CSMD1: variants seen among roughly 807,000 people sequenced by gnomAD.
CSMD1 encodes the protein CUB and sushi domain-containing protein 1.
In CSMD1, 213 loss-of-function variants were observed where a neutral mutation model predicts 417.5. The ratio of observed to expected loss-of-function variants is 0.51; its 90% CI spans 0.46 to 0.57. The LOEUF (loss-of-function observed/expected upper bound fraction) is 0.57. CSMD1 is among the 20% of genes least tolerant of loss of function. CSMD1 has a pLI of 0.00. For missense variants in CSMD1, 6,923 were observed against 4,529.7 expected, an observed-to-expected ratio of 1.53 and a Z score of -15.17; for synonymous variants, 2,862 against 1,736.8, an observed-to-expected ratio of 1.65 and a Z score of -16.11.
intron 2 of CSMD1, among the ~76,000 whole-genome samples, chr8:4,495,376 C>G (rs1801927677): frequency 6.6e-6 from 1 of 152,102 alleles, no homozygotes; most frequent in Non-Finnish European, 1.5e-5. Flanking sequence ...GGGTTCGAGA[C>G]TAGCATGGCC....
intron 7 of CSMD1, among the ~76,000 whole-genome samples, chr8:3,635,298 A>AC (rs1796978971): frequency 6.6e-6 from 1 of 151,960 alleles, no homozygotes; most frequent in East Asian, 2.0e-4. Flanking sequence ...AGATGGCAAA[A>AC]CCCCATCTCT....
At chr8:3,307,099 C>G (rs1439567359) in intron 25 of CSMD1, among the ~76,000 whole-genome samples, 1 of 152,212 alleles carries the variant, frequency 6.6e-6, no homozygotes, top group Non-Finnish European at 1.5e-5. Flanking sequence ...GACTTTGCTT[C>G]TCTTCCTATT....
intron 1 of CSMD1, among the ~76,000 whole-genome samples, chr8:4,860,023 A>G (rs1322159367): frequency 2.6e-5 from 4 of 152,112 alleles, no homozygotes; most frequent in Non-Finnish European, 5.9e-5. Flanking sequence ...ATGTCCAACA[A>G]TGATAGACTG....
chr8:3,499,682 T>G (rs1208958180), intron 10 of CSMD1, among the ~76,000 whole-genome samples: 1 of 151,976 alleles, frequency 6.6e-6, no homozygotes, highest in African/African-American at 2.4e-5. Context: ...GCTTGACGAC[T>G]TGTGGTATAG....
rs573508475 is a variant in CSMD1, at chr8:3,771,941, G to A, written c.819-17899C>T. 1.1e-4 allele frequency among the ~76,000 whole-genome samples: 17 copies of A among 152,100 alleles called. No homozygotes were observed. The East Asian group carries it at 2.3e-3, about 21-fold the overall frequency. Reference sequence around the variant, plus strand: ...TAGCCCACAGGCAACTCAACAAGCCGTGTAATGTCTACTGGCATTCAGCAA... The same window carrying A: ...TAGCCCACAGGCAACTCAACAAGCCATGTAATGTCTACTGGCATTCAGCAA... On this transcript the variant is annotated intron_variant, in intron 5 of 69. Transcript: ENST00000635120.
intron 3 of CSMD1, among the ~76,000 whole-genome samples, chr8:4,159,755 A>G (rs189324267): frequency 6.6e-6 from 1 of 152,098 alleles, no homozygotes; most frequent in South Asian, 2.1e-4. Flanking sequence ...CGCCCGGCTA[A>G]TTTTTTATAT....
At chr8:4,281,543 T>G (rs538990311) in intron 3 of CSMD1, among the ~76,000 whole-genome samples, 1 of 152,224 alleles carries the variant, frequency 6.6e-6, no homozygotes, top group African/African-American at 2.4e-5. Flanking sequence ...AAAGGTCCTT[T>G]AAAATGTTGT....
intron 3 of CSMD1, among the ~76,000 whole-genome samples, chr8:4,176,620 A>C (rs1798058627): frequency 1.9e-4 from 1 of 5,204 alleles, no homozygotes; most frequent in Non-Finnish European, 3.5e-3. Context: ...TAATCCATAA[A>C]AGACACAGAC....
At chr8:4,879,587 G>A (rs1342962003) in intron 1 of CSMD1, among the ~76,000 whole-genome samples, 10 of 151,968 alleles carry the variant, frequency 6.6e-5, no homozygotes, top group Admixed American at 6.5e-4. Flanking sequence ...ATAAAACGAA[G>A]AAGAAAATAA....
chr8:3,347,576 GT>G (rs1406217486), intron 22 of CSMD1, among the ~76,000 whole-genome samples: 1 of 152,150 alleles, frequency 6.6e-6, no homozygotes, highest in Non-Finnish European at 1.5e-5. Flanking sequence ...GAAAGGGTTG[GT>G]TTGGGGATCC....
chr8:4,928,066 C>A (rs1806990308), intron 1 of CSMD1, among the ~76,000 whole-genome samples: 2 of 152,214 alleles, frequency 1.3e-5, no homozygotes, highest in African/African-American at 2.4e-5. Context: ...AGGCCTGGCT[C>A]CTGTGGCCTC....
intron 18 of CSMD1, among the ~76,000 whole-genome samples, chr8:3,379,878 C>G (rs1810527284): frequency 6.6e-6 from 1 of 152,126 alleles, no homozygotes; most frequent in African/African-American, 2.4e-5. Context: ...GCAATGGCAA[C>G]AGAATCCAAA....
chr8:3,413,791 G>A (rs1238991671), intron 12 of CSMD1, among the ~76,000 whole-genome samples: 1 of 152,098 alleles, frequency 6.6e-6, no homozygotes, highest in South Asian at 2.1e-4. Context: ...TACAGTATGT[G>A]TGTCAAACCC....
At chr8:4,474,456 G>C (rs1378197785) in intron 2 of CSMD1, among the ~76,000 whole-genome samples, 1 of 152,162 alleles carries the variant, frequency 6.6e-6, no homozygotes, top group Non-Finnish European at 1.5e-5. Context: ...GTAGAATGGA[G>C]AGAGACTGAA....
At chr8:2,974,863 C>G (rs2930282) in intron 55 of CSMD1, among the ~76,000 whole-genome samples, 122,446 of 152,198 alleles carry the variant, frequency 0.8, 49,485 homozygotes, top group Non-Finnish European at 0.82. Flanking sequence ...AGGTAGCTTT[C>G]CTTATGGTAG....
chr8:3,918,649 A>G (rs1257769868), intron 5 of CSMD1, among the ~76,000 whole-genome samples: 2 of 152,138 alleles, frequency 1.3e-5, no homozygotes, highest in African/African-American at 4.8e-5. Flanking sequence ...AAACGAGTGG[A>G]TAAAGAAGCT....
chr8:4,618,228 C>G (rs1801584333), intron 2 of CSMD1, among the ~76,000 whole-genome samples: 1 of 152,134 alleles, frequency 6.6e-6, no homozygotes, highest in South Asian at 2.1e-4. Context: ...TCATCCTACC[C>G]AACTCAAGCC....
At chr8:3,449,709 G>C (rs755182655) in intron 12 of CSMD1, among the ~76,000 whole-genome samples, 1 of 151,934 alleles carries the variant, frequency 6.6e-6, no homozygotes, top group Non-Finnish European at 1.5e-5. Context: ...GTAGAGACAG[G>C]GTTTCACCAT....
intron 29 of CSMD1, 62 bp downstream of exon 29, chr8:3,219,193 C>A (rs775377022): frequency 2.0e-5 from 27 of 1,337,346 alleles, no homozygotes; most frequent in African/African-American, 2.9e-5. Context: ...CAAAGCAATG[C>A]CTACAATAAA....
Sources: allele counts gnomAD v4.1 joint callset (sites outside exome capture counted in the v4.1 genomes callset), GRCh38; gene constraint gnomAD v4.1.1; transcripts MANE v1.5; gene names NCBI Gene and HGNC (gene_info 2026-07-23, HGNC 2026-07-21).